The following FHIT variants were observed in gnomAD, a reference collection of about 807,000 sequenced individuals.
FHIT encodes fragile histidine triad diadenosine triphosphatase, also known as bis(5'-adenosyl)-triphosphatase.
A neutral mutation model predicts 17.9 loss-of-function variants in FHIT; 19 were observed. The ratio of observed to expected loss-of-function variants is 1.06; its 90% CI spans 0.74 to 1.56. The LOEUF (loss-of-function observed/expected upper bound fraction) is 1.56. Among genes scored for constraint, FHIT ranks in the 40% most tolerant of loss-of-function variants. The pLI is 0.00. For synonymous variants in FHIT, 81 were observed against 69.7 expected (o/e 1.16, Z -0.81); for missense variants, 248 against 189.2 (o/e 1.31, Z -1.82).
At chr3:61,234,473 A>G (rs1400550275) in intron 1 of FHIT, among the ~76,000 whole-genome samples, 2 of 152,232 alleles carry the variant, frequency 1.3e-5, no homozygotes, top group Non-Finnish European at 2.9e-5. Context: ...GAGTGAAAAC[A>G]GAAAACAAAA....
In FHIT at chr3:59,986,574, T is replaced by TACAC. The variant is rs1203741421; in HGVS notation, c.279+24793_279+24796dup. 2.6e-3 allele frequency among the ~76,000 whole-genome samples: 154 copies of TACAC among 59,812 alleles called. 36 individuals carry two copies. The highest frequency in any genetic ancestry group is 0.011 in the African/African-American group (128 of 12,126). The allele number at this position is 59,812 out of a possible 152,430, so 39.2% of individuals were successfully genotyped here. ...ACACACACACACACACACACATATATACACACACACACACACACACACATA... is the reference window on the plus strand; with the variant it reads ...ACACACACACACACACACACATATATACACACACACACACACACACACACACATA... On this transcript the variant is annotated intron_variant, in intron 7 of 9. Coordinates refer to ENST00000492590, the MANE Select transcript of FHIT (RefSeq NM_002012.4).
At chr3:60,341,877 C>G (rs112811942) in intron 5 of FHIT, among the ~76,000 whole-genome samples, 2,736 of 152,252 alleles carry the variant, frequency 0.018, 84 homozygotes, top group African/African-American at 0.056. Flanking sequence ...TCTTAGTAAT[C>G]TTGCAGAATT....
intron 5 of FHIT, among the ~76,000 whole-genome samples, chr3:60,043,477 T>C (rs1417509810): frequency 1.3e-5 from 2 of 152,196 alleles, no homozygotes; most frequent in South Asian, 2.1e-4. Context: ...ATTTTACAGA[T>C]GGAGAGATTA....
At chr3:61,100,059 T>C (rs2035769041) in intron 2 of FHIT, among the ~76,000 whole-genome samples, 1 of 152,076 alleles carries the variant, frequency 6.6e-6, no homozygotes, top group Non-Finnish European at 1.5e-5. Flanking sequence ...ACGCTGAGCA[T>C]CTTTTCTTTT....
intron 5 of FHIT, among the ~76,000 whole-genome samples, chr3:60,246,617 C>A (rs1309746418): frequency 6.6e-6 from 1 of 152,066 alleles, no homozygotes; most frequent in Non-Finnish European, 1.5e-5. Context: ...AGGGTGAGAG[C>A]GTAACTGTCT....
intron 2 of FHIT, among the ~76,000 whole-genome samples, chr3:61,155,427 C>T (rs2037507862): frequency 6.6e-6 from 1 of 152,158 alleles, no homozygotes; most frequent in Non-Finnish European, 1.5e-5. Flanking sequence ...TAGCCCTCTC[C>T]ATGCCTAGTC....
At chr3:61,181,286 C>T (rs542497112) in intron 2 of FHIT, among the ~76,000 whole-genome samples, 102 of 152,058 alleles carry the variant, frequency 6.7e-4, no homozygotes, top group Non-Finnish European at 1.4e-3. Flanking sequence ...AATCAAGAGG[C>T]TATAGCAAAT....
chr3:60,044,715 C>A (rs941981090), intron 5 of FHIT, among the ~76,000 whole-genome samples: 4 of 152,040 alleles, frequency 2.6e-5, no homozygotes, highest in African/African-American at 9.7e-5. Flanking sequence ...GATTGTATAC[C>A]TCATTCCACT....
Position 60,728,968 on chromosome 3 carries a change from C to G in FHIT, c.-18+92951G>C, listed in dbSNP as rs193084768. On this transcript the variant is annotated intron_variant, in intron 4 of 9. Transcript: ENST00000492590. ...ATCATCCCCACATCAAAACCAGATG[C>G]TCCTTTAATTTTAAACTCATTATCA... 8.2e-4 allele frequency among the ~76,000 whole-genome samples: 125 copies of G among 152,306 alleles called. 1 individual carries two copies. The highest frequency in any genetic ancestry group is 2.4e-3 in the Admixed American group (37 of 15,304).
chr3:60,587,018 A>T (rs1226020058), intron 4 of FHIT, among the ~76,000 whole-genome samples: 1 of 151,952 alleles, frequency 6.6e-6, no homozygotes, highest in African/African-American at 2.4e-5. Context: ...AAATTCAAAC[A>T]TCCTGCCTAG....
chr3:60,786,573 T>G (rs1332752241), intron 4 of FHIT, among the ~76,000 whole-genome samples: 1 of 152,228 alleles, frequency 6.6e-6, no homozygotes, highest in African/African-American at 2.4e-5. Context: ...CACAGGAACC[T>G]TGTGAAGATA....
intron 5 of FHIT, among the ~76,000 whole-genome samples, chr3:60,476,061 A>G (rs1308058896): frequency 6.6e-6 from 1 of 152,194 alleles, no homozygotes; most frequent in Non-Finnish European, 1.5e-5. Context: ...CTGTGACCCC[A>G]AAGAGTTAAT....
At chr3:60,483,071 A>G (rs542995877) in intron 5 of FHIT, among the ~76,000 whole-genome samples, 1 of 152,318 alleles carries the variant, frequency 6.6e-6, no homozygotes, top group Non-Finnish European at 1.5e-5. Context: ...ACAAACTAGA[A>G]AATCTAGAAG....
intron 2 of FHIT, among the ~76,000 whole-genome samples, chr3:61,145,921 T>G (rs1180621384): frequency 1.3e-5 from 2 of 152,042 alleles, no homozygotes; most frequent in Non-Finnish European, 2.9e-5. Flanking sequence ...AATTTGCCAG[T>G]GCACTTTTAA....
chr3:61,234,456 T>C (rs1237787179), intron 1 of FHIT, among the ~76,000 whole-genome samples: 2 of 152,138 alleles, frequency 1.3e-5, no homozygotes, highest in Non-Finnish European at 2.9e-5. Flanking sequence ...GCATACAATA[T>C]ATTGACGAGT....
intron 2 of FHIT, among the ~76,000 whole-genome samples, chr3:61,056,363 A>G (rs769829208): frequency 6.6e-6 from 1 of 152,258 alleles, no homozygotes; most frequent in East Asian, 1.9e-4. Context: ...CCTTGGTTCA[A>G]TAGATCTTTG....
At chr3:59,769,950 G>C (rs1208979431) in intron 8 of FHIT, among the ~76,000 whole-genome samples, 1 of 152,082 alleles carries the variant, frequency 6.6e-6, no homozygotes, top group Non-Finnish European at 1.5e-5. Flanking sequence ...GAATTCTGAT[G>C]GTCAAATGAC....
intron 5 of FHIT, among the ~76,000 whole-genome samples, chr3:60,317,804 A>C (rs201725950): frequency 9.2e-6 from 1 of 108,714 alleles, no homozygotes; most frequent in Non-Finnish European, 1.9e-5. Flanking sequence ...TTTTTTTTTT[A>C]TTTTGAGACA....
chr3:60,756,768 A>G (rs2108043857), intron 4 of FHIT, among the ~76,000 whole-genome samples: 1 of 152,332 alleles, frequency 6.6e-6, no homozygotes, highest in South Asian at 2.1e-4. Context: ...GGAACAGAAA[A>G]GCTGAATAAC....
Sources: gnomAD v4.1 joint callset for allele counts (sites outside exome capture counted in the v4.1 genomes callset) on GRCh38, gnomAD v4.1.1 for gene constraint, MANE v1.5 for transcripts, NCBI Gene and HGNC (gene_info 2026-07-23, HGNC 2026-07-21) for gene names.